The following ARSL variants were observed in gnomAD, a reference collection of about 807,000 sequenced individuals.
The protein encoded by ARSL is arylsulfatase L.
Under a neutral mutation model 31.1 loss-of-function variants are expected in ARSL, and 4 were observed. That is an observed-to-expected ratio of 0.13 (90% confidence interval 0.06 to 0.29). The LOEUF is 0.29. Ranked by LOEUF, ARSL falls within the 10% of genes least tolerant of loss-of-function variation. The pLI, the probability that ARSL is intolerant of heterozygous loss-of-function variation, is 1.00. For missense variants in ARSL, 312 were observed against 497.8 expected, an observed-to-expected ratio of 0.63 and a Z score of 3.55; for synonymous variants, 198 against 209.9, an observed-to-expected ratio of 0.94 and a Z score of 0.49.
chrX:2,948,910 C>T (rs1022183254), intron 6 of ARSL, among the ~76,000 whole-genome samples: 3 of 110,808 alleles, frequency 2.7e-5, no homozygotes, highest in Non-Finnish European at 5.7e-5. Context: ...ATTCTTCAAA[C>T]GTCAATTAAA....
At chrX:2,968,046 C>T, upstream of ARSL, 2 of 953,408 alleles carry the variant, frequency 2.1e-6, no homozygotes, top group Non-Finnish European at 2.9e-6. Flanking sequence ...TTGACAGGGA[C>T]TTGTTTGAAA....
intron 3 of ARSL, among the ~76,000 whole-genome samples, chrX:2,957,339 A>G (rs967182743): frequency 1.1e-4 from 12 of 110,794 alleles, no homozygotes; most frequent in African/African-American, 3.9e-4. Flanking sequence ...AAGGGCTGGT[A>G]TTACAGTCAT....
intron 7 of ARSL, among the ~76,000 whole-genome samples, chrX:2,944,385 C>A: frequency 2.0e-5 from 2 of 102,257 alleles, no homozygotes; most frequent in Middle Eastern, 0.01. Flanking sequence ...ACCCGGGAGG[C>A]GGAGGTTGCA....
chrX:2,966,771 A>G (rs2089702826), upstream of ARSL, among the ~76,000 whole-genome samples: 2 of 109,570 alleles, frequency 1.8e-5, no homozygotes, highest in African/African-American at 6.6e-5. Context: ...AAACATGTAC[A>G]TATACGTACA....
chrX:2,944,186 T>G (rs12014203), intron 7 of ARSL, among the ~76,000 whole-genome samples: 4,956 of 108,375 alleles, frequency 0.046, 272 homozygotes, highest in African/African-American at 0.14. Context: ...CCAGGCGCAG[T>G]GGCTCATCCC....
In ARSL at chrX:2,949,612, G is replaced by A; in HGVS notation, c.546C>T (p.Ala182=). 4.1e-6 allele frequency: 5 copies of A among 1,211,301 alleles called. No individual in the cohort carries two copies. Among genetic ancestry groups the A allele is most frequent in the Non-Finnish European group, 5.6e-6 (5 of 895,430 alleles). Residue 182 remains alanine (A), a synonymous_variant, in exon 6 of 11, where the codon GCC becomes GCT. Coordinates refer to ENST00000381134, the MANE Select transcript of ARSL (RefSeq NM_000047.3). ...CACGCTTCTCTGAGAGTTCCCAGCG[G>A]GCGCAATCACCCATCAAGGAGAAAG... ...GMPFSLMGDC[A]RWELSEKRVN...
intron 2 of ARSL, among the ~76,000 whole-genome samples, chrX:2,958,920 G>C (rs994914362): frequency 3.6e-5 from 4 of 111,947 alleles, no homozygotes; most frequent in African/African-American, 1.3e-4. Flanking sequence ...CTGGGAGGTT[G>C]AGGCTGCAGC....
chrX:2,944,318 G>A (rs1377781245), intron 7 of ARSL, among the ~76,000 whole-genome samples: 1 of 109,171 alleles, frequency 9.2e-6, no homozygotes, highest in African/African-American at 3.3e-5. Flanking sequence ...GCCAGGCATG[G>A]TGGCGGGTGC....
At chrX:2,937,808 A>C (rs1654679697) in intron 9 of ARSL, among the ~76,000 whole-genome samples, 1 of 111,974 alleles carries the variant, frequency 8.9e-6, no homozygotes. Context: ...ACATGTGGAC[A>C]TACAGCTTAG....
At position 2,961,379 on chromosome X, in the gene ARSL, A is replaced by G. The variant is rs141310536; in HGVS notation, c.-20-959T>C. ...ATGTGGCTTGTGCATGGGACTGAGGACGAAGCTCTGATTTTTCTTTTTATC... is the reference window on the plus strand; with the variant it reads ...ATGTGGCTTGTGCATGGGACTGAGGGCGAAGCTCTGATTTTTCTTTTTATC... On this transcript the variant is annotated intron_variant, in intron 1 of 10. Transcript: ENST00000381134. 2.2e-3 allele frequency among the ~76,000 whole-genome samples: 241 copies of G among 111,184 alleles called. 1 individual carries two copies. Among genetic ancestry groups the G allele is most frequent in the African/African-American group, 7.4e-3 (226 of 30,620 alleles).
chrX:2,964,037 TC>T (rs1309487528), intron 1 of ARSL, among the ~76,000 whole-genome samples, 186 bp downstream of exon 1: 1 of 111,064 alleles, frequency 9.0e-6, no homozygotes, highest in African/African-American at 3.3e-5. Flanking sequence ...AGAAAACAGA[TC>T]CCCCTTCTCC....
At chrX:2,942,484 G>C (rs2089295001) in intron 8 of ARSL, among the ~76,000 whole-genome samples, 1 of 110,676 alleles carries the variant, frequency 9.0e-6, no homozygotes, top group Admixed American at 9.7e-5. Context: ...TAGAGGCGAG[G>C]TTTCACCATG....
chrX:2,949,251 C>G (rs771077898), intron 6 of ARSL, 53 bp downstream of exon 6: 1 of 1,180,500 alleles, frequency 8.5e-7, no homozygotes, highest in Admixed American at 2.2e-5. Flanking sequence ...ATTTAGGATG[C>G]GTTTTCATTC....
In ARSL at chrX:2,960,191, C is replaced by T. The variant is rs762620533; in HGVS notation, c.23+187G>A. Among the ~76,000 whole-genome samples, 64 of 77,872 alleles carry T rather than the reference C, an allele frequency of 8.2e-4. 2 individuals carry two copies. The highest frequency in any genetic ancestry group is 3.0e-3 in the African/African-American group (64 of 21,298). 67.6% of individuals were successfully genotyped at this position (77,872 alleles called of 115,157 possible). A position where few individuals can be genotyped will look rare whatever the true frequency, so the allele number is the denominator to read the frequency against. On this transcript the variant is annotated intron_variant, in intron 2 of 10. Transcript: ENST00000381134. ...GGCTGAGGCAGGAGAATGGTGTGAA[C>T]CCGGGAGGCGGAGCTTGCAGTGAGC...
chrX:2,935,644 C>T lies in ARSL; in HGVS notation c.1412-454G>A, dbSNP rs772443466. Reference sequence around the variant, plus strand: ...CACAACACTGTGAAAGCACGAAGTGCCTGTGAATTGCACTCAGTCAGTTTT... The same window carrying T: ...CACAACACTGTGAAAGCACGAAGTGTCTGTGAATTGCACTCAGTCAGTTTT... On this transcript the variant is annotated intron_variant, in intron 10 of 10. Coordinates refer to ENST00000381134, the MANE Select transcript of ARSL (RefSeq NM_000047.3). Among the ~76,000 whole-genome samples, 49 of 109,904 alleles carry T rather than the reference C, an allele frequency of 4.5e-4. 1 individual carries two copies. Among genetic ancestry groups the T allele is most frequent in the Non-Finnish European group, 7.2e-4 (38 of 52,676 alleles).
At chrX:2,962,474 G>A (rs780911374) in intron 1 of ARSL, among the ~76,000 whole-genome samples, 1 of 110,951 alleles carries the variant, frequency 9.0e-6, no homozygotes, top group South Asian at 3.9e-4. Context: ...CCTAGAAGTG[G>A]CCGTGGTGTC....
At chrX:2,937,968 G>A in intron 9 of ARSL, 127 bp downstream of exon 9, 3 of 966,859 alleles carry the variant, frequency 3.1e-6, no homozygotes, top group Non-Finnish European at 4.4e-6. Context: ...TAAGCAGCCC[G>A]ACCCTCGGTT....
intron 8 of ARSL, among the ~76,000 whole-genome samples, chrX:2,939,269 A>G (rs1398760364): frequency 8.9e-6 from 1 of 111,817 alleles, no homozygotes; most frequent in Non-Finnish European, 1.9e-5. Context: ...CCACAAGCTC[A>G]GGGACACCTG....
chrX:2,960,908 A>G (rs1360597831), intron 1 of ARSL, among the ~76,000 whole-genome samples: 1 of 111,518 alleles, frequency 9.0e-6, no homozygotes, highest in Non-Finnish European at 1.9e-5. Context: ...ATCTGAGTAG[A>G]GGGTATGAAG....
Sources: allele counts gnomAD v4.1 joint callset (sites outside exome capture counted in the v4.1 genomes callset), GRCh38; gene constraint gnomAD v4.1.1; transcripts MANE v1.5; gene names NCBI Gene and HGNC (gene_info 2026-07-23, HGNC 2026-07-21).